Variants in PRKDC observed in about 807,000 individuals in gnomAD.
PRKDC encodes the protein DNA-dependent protein kinase catalytic subunit.
PRKDC carries 82 observed loss-of-function variants against 486.9 expected under a neutral mutation model. The ratio of observed to expected loss-of-function variants is 0.17; its 90% confidence interval spans 0.14 to 0.20. PRKDC has a LOEUF of 0.20. PRKDC is among the 10% of genes least tolerant of loss of function. The pLI, the probability that PRKDC is intolerant of heterozygous loss-of-function variation, is 1.00. For synonymous variants in PRKDC, 1,895 were observed against 1,837.0 expected (o/e 1.03, Z -0.81); for missense variants, 4,504 against 5,038.2 (o/e 0.89, Z 3.21).
At chr8:47,809,762 C>T (rs2087291067) in intron 68 of PRKDC, among the ~76,000 whole-genome samples, 1 of 152,180 alleles carries the variant, frequency 6.6e-6, no homozygotes, top group Non-Finnish European at 1.5e-5. Flanking sequence ...TACAACTCCC[C>T]AAGAACTCTG....
intron 5 of PRKDC, 54 bp downstream of exon 5, chr8:47,954,282 ATT>A (rs1450549988): frequency 1.3e-6 from 1 of 747,338 alleles, no homozygotes; most frequent in Non-Finnish European, 2.0e-6. Context: ...TATGCTAATA[ATT>A]TGTTAATATT....
intron 78 of PRKDC, among the ~76,000 whole-genome samples, chr8:47,783,472 C>G (rs554731915): frequency 6.6e-6 from 1 of 152,064 alleles, no homozygotes; most frequent in East Asian, 1.9e-4. Flanking sequence ...CGCCTGTAAT[C>G]CCAGCTACTC....
In PRKDC at chr8:47,777,000, T is replaced by G. The variant is rs749779206; in HGVS notation, c.12043-17A>C. ...TTCAAAATTCTAGAAGAAAAGAACATGATTTTCCCGGCTGATCATAATGGT... is the reference window on the plus strand; with the variant it reads ...TTCAAAATTCTAGAAGAAAAGAACAGGATTTTCCCGGCTGATCATAATGGT... On this transcript the variant is annotated splice_polypyrimidine_tract_variant and intron_variant, in intron 84 of 85. Coordinates refer to ENST00000314191, the MANE Select transcript of PRKDC (RefSeq NM_006904.7). 11 of 1,605,970 alleles carry G rather than the reference T, an allele frequency of 6.8e-6. No individual in the cohort carries two copies. In the Admixed American group the frequency reaches 1.9e-4, roughly 28 times the overall value.
intron 68 of PRKDC, among the ~76,000 whole-genome samples, chr8:47,812,929 A>G (rs1409828378): frequency 6.6e-6 from 1 of 151,992 alleles, no homozygotes; most frequent in African/African-American, 2.4e-5. Context: ...CAAATAATAA[A>G]AAGGATGAGA....
intron 73 of PRKDC, 122 bp from the exon 74 acceptor site, chr8:47,794,623 T>C: frequency 2.4e-6 from 2 of 830,906 alleles, no homozygotes; most frequent in Non-Finnish European, 1.8e-6. Flanking sequence ...AAAACAAGTC[T>C]TCCATCCCCT....
chr8:47,856,923 C>CT (rs1254789688), intron 49 of PRKDC, among the ~76,000 whole-genome samples: 4 of 152,186 alleles, frequency 2.6e-5, no homozygotes, highest in Admixed American at 2.6e-4. Flanking sequence ...ACAAAACAAA[C>CT]ACCTGACAGC....
chr8:47,821,526 A>G, intron 65 of PRKDC, 78 bp downstream of exon 65: 2 of 1,415,242 alleles, frequency 1.4e-6, no homozygotes, highest in Non-Finnish European at 1.9e-6. Context: ...TGTTTTTGAA[A>G]TGTTTTAAAC....
At position 47,906,554 on chromosome 8, in the gene PRKDC, A is replaced by T. The variant is rs140628041; in HGVS notation, c.2935-1578T>A. On this transcript the variant is annotated intron_variant, in intron 25 of 85. Coordinates refer to ENST00000314191, the MANE Select transcript of PRKDC (RefSeq NM_006904.7). Reference sequence around the variant, plus strand: ...GAGGCTAAAGCAGGAAAATCGCTTGAACTGGGAGGTGGAGGTTGCAGTGAG... The same window carrying T: ...GAGGCTAAAGCAGGAAAATCGCTTGTACTGGGAGGTGGAGGTTGCAGTGAG... Among the ~76,000 whole-genome samples the T allele has an allele frequency of 2.9e-3, 441 of 151,046 alleles. 3 individuals carry two copies. The highest frequency in any genetic ancestry group is 0.01 in the African/African-American group (432 of 41,400).
intron 54 of PRKDC, 62 bp downstream of exon 54, chr8:47,849,092 T>A: frequency 1.3e-6 from 2 of 1,569,282 alleles, no homozygotes; most frequent in Non-Finnish European, 1.7e-6. Flanking sequence ...GTTGGAGACG[T>A]CTTAATAAAT....
intron 31 of PRKDC, 118 bp downstream of exon 31, chr8:47,893,021 G>C: frequency 8.2e-7 from 1 of 1,224,340 alleles, no homozygotes; most frequent in Non-Finnish European, 1.1e-6. Context: ...ATGAAAGCAC[G>C]GGCAAGGTGG....
rs2087098134 is a variant in PRKDC, at chr8:47,801,047, A to T, written c.9923-61T>A. ...TGTATGTGTGTGTGGAATTAAAAAG[A>T]AGAAATTCATTGTCTATAGAAGTTT... is the stretch of plus-strand genomic sequence containing the variant. On this transcript the variant is annotated intron_variant, in intron 70 of 85. Coordinates refer to ENST00000314191, the MANE Select transcript of PRKDC (RefSeq NM_006904.7). 4 of 1,460,806 alleles carry T rather than the reference A, an allele frequency of 2.7e-6. No homozygotes were observed. In the Admixed American group the frequency reaches 7.6e-5, roughly 28 times the overall value. 90.5% of individuals were successfully genotyped at this position (1,460,806 alleles called of 1,614,324 possible).
intron 23 of PRKDC, among the ~76,000 whole-genome samples, chr8:47,914,827 A>G (rs1318324652): frequency 6.6e-6 from 1 of 151,436 alleles, no homozygotes; most frequent in African/African-American, 2.4e-5. Flanking sequence ...CTTTTAAATT[A>G]AAATAATAGA....
intron 25 of PRKDC, 114 bp from the exon 26 acceptor site, chr8:47,905,090 T>C (rs988542135): frequency 1.4e-6 from 1 of 717,004 alleles, no homozygotes. Flanking sequence ...ACTACTACCA[T>C]GGTTGTATTA....
At chr8:47,876,335 G>T (rs1589758876) in intron 40 of PRKDC, among the ~76,000 whole-genome samples, 1 of 152,102 alleles carries the variant, frequency 6.6e-6, no homozygotes, top group African/African-American at 2.4e-5. Context: ...TTACTATGAG[G>T]AGTAGCCATG....
intron 60 of PRKDC, among the ~76,000 whole-genome samples, chr8:47,831,356 C>T (rs886217614): frequency 2.0e-5 from 3 of 152,222 alleles, no homozygotes; most frequent in Non-Finnish European, 2.9e-5. Flanking sequence ...GTCCTACCCC[C>T]TTCTTACAAA....
intron 74 of PRKDC, among the ~76,000 whole-genome samples, chr8:47,790,858 T>G (rs2086870751): frequency 6.6e-6 from 1 of 152,124 alleles, no homozygotes; most frequent in African/African-American, 2.4e-5. Context: ...TGGGTATCCA[T>G]ATGCAGAATA....
chr8:47,865,706 C>T lies in PRKDC; in HGVS notation c.5364-943G>A, dbSNP rs1379171842. On this transcript the variant is annotated intron_variant, in intron 40 of 85. Transcript: ENST00000314191. ...ACTCAGTCATAAAAAGACTATAGGA[C>T]ACTACTAGATGCCATACAGGATTTG... is the stretch of plus-strand genomic sequence containing the variant. 2.0e-5 allele frequency among the ~76,000 whole-genome samples: 3 copies of T among 151,876 alleles called. No individual in the cohort carries two copies. In the East Asian group the frequency reaches 5.8e-4, roughly 29 times the overall value.
intron 74 of PRKDC, among the ~76,000 whole-genome samples, chr8:47,789,984 G>A (rs1189728308): frequency 6.6e-6 from 1 of 152,170 alleles, no homozygotes; most frequent in African/African-American, 2.4e-5. Flanking sequence ...CTGAAAAACT[G>A]AAAACCTTTC....
intron 24 of PRKDC, among the ~76,000 whole-genome samples, chr8:47,912,906 T>C (rs1194871509): frequency 2.6e-5 from 4 of 152,220 alleles, no homozygotes; most frequent in Admixed American, 1.3e-4. Flanking sequence ...TGAAGCACTA[T>C]AGAAAATTTA....
Sources: allele counts gnomAD v4.1 joint callset (sites outside exome capture counted in the v4.1 genomes callset), GRCh38; gene constraint gnomAD v4.1.1; transcripts MANE v1.5; gene names NCBI Gene and HGNC (gene_info 2026-07-23, HGNC 2026-07-21).